The following CCDC14 variants were observed in gnomAD, a reference collection of about 807,000 sequenced individuals.
CCDC14 encodes the protein coiled-coil domain containing 14, also known as coiled-coil domain-containing protein 14.
A neutral mutation model predicts 81.4 loss-of-function variants in CCDC14; 71 were observed. That is an observed-to-expected ratio of 0.87 (90% CI 0.72 to 1.06). CCDC14 has a LOEUF of 1.06. Ranked by LOEUF, CCDC14 falls within the 50% of genes least tolerant of loss-of-function variation. The pLI, the probability that CCDC14 is intolerant of heterozygous loss-of-function variation, is 0.00. For missense variants in CCDC14, 1,046 were observed against 1,047.3 expected (o/e 1.00, Z 0.02); for synonymous variants, 332 against 364.8 (o/e 0.91, Z 1.03).
At position 123,949,019 on chromosome 3, in the gene CCDC14, G is replaced by C; in HGVS notation, c.466C>G (p.Pro156Ala). The C allele has an allele frequency of 6.2e-7, 1 of 1,613,686 alleles. No individual in the cohort carries two copies. The highest frequency in any genetic ancestry group is 8.5e-7 in the Non-Finnish European group (1 of 1,179,666). Reference sequence around the variant, plus strand: ...TCACAGAGGGCTTGGTATATTATGGGTGAATACATTCTATAATGATCTTGC... The same window carrying C: ...TCACAGAGGGCTTGGTATATTATGGCTGAATACATTCTATAATGATCTTGC... Reference protein sequence around the residue: ...SLQDHYRMYSPIIYQALCEHV... With the variant: ...SLQDHYRMYSAIIYQALCEHV... Residue 156 changes from proline (P) to alanine (A), a missense_variant, in exon 6 of 13, where the codon CCC (proline) becomes GCC (alanine). By Grantham distance (27) the Pro-to-Ala change is conservative. Coordinates refer to ENST00000409697, the MANE Select transcript of CCDC14 (RefSeq NM_001366335.1).
At chr3:123,891,631 C>T in the CCDC14 span, among the ~76,000 whole-genome samples, 108,862 of 152,068 alleles carry the variant, frequency 0.72, 39,306 homozygotes, top group East Asian at 0.86. Flanking sequence ...CACCTCAGCC[C>T]GGATTTCATT....
chr3:123,897,994 A>G (rs1032873051), intron 5 of CCDC14, among the ~76,000 whole-genome samples: 5 of 152,254 alleles, frequency 3.3e-5, no homozygotes, highest in Non-Finnish European at 7.3e-5. Flanking sequence ...CATAATGAGA[A>G]TCTATAGCCA....
chr3:123,939,467 G>A (rs1464295378), intron 9 of CCDC14, among the ~76,000 whole-genome samples: 6 of 139,078 alleles, frequency 4.3e-5, no homozygotes, highest in African/African-American at 1.6e-4. Context: ...TTTTTTTAGA[G>A]ATAGGGTCTT....
chr3:123,942,295 C>T (rs568134925), intron 9 of CCDC14, among the ~76,000 whole-genome samples: 14 of 152,122 alleles, frequency 9.2e-5, no homozygotes, highest in Admixed American at 2.6e-4. Flanking sequence ...TGACACATAT[C>T]GAGGACAATA....
intron 5 of CCDC14, among the ~76,000 whole-genome samples, chr3:123,905,682 G>A (rs1220340572): frequency 6.6e-6 from 1 of 152,092 alleles, no homozygotes; most frequent in East Asian, 1.9e-4. Context: ...TCATCAGAAG[G>A]GTCTCAGTTG....
chr3:123,932,479 G>A (rs1194266138), intron 10 of CCDC14, among the ~76,000 whole-genome samples: 1 of 152,020 alleles, frequency 6.6e-6, no homozygotes, highest in Non-Finnish European at 1.5e-5. Context: ...ATATTAAGAA[G>A]ATTAAGCCTT....
intron 5 of CCDC14, among the ~76,000 whole-genome samples, chr3:123,900,961 C>T (rs952162837): frequency 5.3e-5 from 8 of 152,046 alleles, no homozygotes; most frequent in Admixed American, 3.3e-4. Flanking sequence ...AGGCCAGGCG[C>T]AGTGGCTCAC....
At chr3:123,905,887 A>G (rs981456697) in intron 5 of CCDC14, among the ~76,000 whole-genome samples, 2 of 152,264 alleles carry the variant, frequency 1.3e-5, no homozygotes, top group African/African-American at 4.8e-5. Flanking sequence ...AACACATTTA[A>G]CAAGATAAGG....
At chr3:123,907,711 A>C (rs563878222) in intron 5 of CCDC14, among the ~76,000 whole-genome samples, 1 of 151,108 alleles carries the variant, frequency 6.6e-6, no homozygotes, top group South Asian at 2.1e-4. Context: ...TCAATAAAAA[A>C]AATATAATAA....
rs1217702038 is a variant in CCDC14, at chr3:123,902,962, T to A, written c.668-5349A>T. Reference sequence around the variant, plus strand: ...TAGGTATTTGTCCTAATACTCTCCCTCCCCTTGTCCTCCACCCACCGACAG... The same window carrying A: ...TAGGTATTTGTCCTAATACTCTCCCACCCCTTGTCCTCCACCCACCGACAG... On this transcript the variant is annotated intron_variant, in intron 5 of 5. Coordinates refer to the CCDC14 transcript ENST00000479903. Among the ~76,000 whole-genome samples the A allele has an allele frequency of 2.5e-4, 38 of 152,092 alleles. 1 individual carries two copies. The highest frequency in any genetic ancestry group is 2.5e-3 in the Admixed American group (38 of 15,262).
At chr3:123,924,992 C>T (rs2035279322) in intron 12 of CCDC14, among the ~76,000 whole-genome samples, 1 of 151,672 alleles carries the variant, frequency 6.6e-6, no homozygotes, top group Non-Finnish European at 1.5e-5. Flanking sequence ...TATCTATACA[C>T]ACACACCCAG....
the CCDC14 span, among the ~76,000 whole-genome samples, chr3:123,885,456 G>A: frequency 7.0e-6 from 1 of 143,280 alleles, no homozygotes; most frequent in Admixed American, 7.3e-5. Context: ...TTCCAAGGGT[G>A]CACCTTACCC....
At position 123,931,332 on chromosome 3, in the gene CCDC14, T is replaced by G. The variant is rs140636259; in HGVS notation, c.1621A>C (p.Ile541Leu). 455 of 1,521,894 alleles carry G rather than the reference T, an allele frequency of 3.0e-4. 3 individuals carry two copies. The East Asian group carries it at 9.4e-3, about 31-fold the overall frequency. 94.3% of individuals were successfully genotyped at this position (1,521,894 alleles called of 1,614,324 possible). The change falls in exon 11 of 13, where the codon ATT becomes CTT. Residue 541 changes from isoleucine (I) to leucine (L), a missense_variant. Ile to Leu is a conservative substitution (Grantham distance 5, BLOSUM62 2). Coordinates refer to ENST00000409697, the MANE Select transcript of CCDC14 (RefSeq NM_001366335.1). ...TILENKQQYD[I>L]EITRIKIELE... ...CCAATTTTTATTCTTGTTATCTCAA[T>G]ATCATATTGCTGTTTATTTTCAAGT...
At chr3:123,939,880 T>C (rs2036259776) in intron 9 of CCDC14, among the ~76,000 whole-genome samples, 3 of 151,832 alleles carry the variant, frequency 2.0e-5, no homozygotes. Flanking sequence ...AAAGTTACTG[T>C]TTAATGGGTA....
chr3:123,947,351 T>C (rs2036703250), intron 7 of CCDC14, 32 bp from the exon 8 acceptor site: 2 of 1,527,280 alleles, frequency 1.3e-6, no homozygotes, highest in Admixed American at 1.9e-5. Flanking sequence ...TCTTCAGAAG[T>C]ATGAGCACTC....
In CCDC14 at chr3:123,947,430, T is replaced by C. The variant is rs146083864; in HGVS notation, c.685-111A>G. The C allele has an allele frequency of 7.5e-4, 551 of 734,516 alleles. 4 individuals carry two copies. In the African/African-American group the frequency reaches 8.2e-3, roughly 11 times the overall value. The allele number at this position is 734,516 out of a possible 1,614,324, so 45.5% of individuals were successfully genotyped here. A position where few individuals can be genotyped will look rare whatever the true frequency, so the allele number is the denominator to read the frequency against. ...ATTTATTAAAACATGTTTATTAATA[T>C]ATTCATTTTGTGAATATTTAATAAG... On this transcript the variant is annotated intron_variant, in intron 7 of 12. Transcript: ENST00000409697.
intron 1 of CCDC14, chr3:123,958,968 A>G (rs2037507597): frequency 6.6e-6 from 1 of 152,120 alleles, no homozygotes; most frequent in South Asian, 2.1e-4. Context: ...TGCATATGAC[A>G]GCTATTTCTT....
At chr3:123,913,402 G>A (rs907222463), downstream of CCDC14, 16 of 983,368 alleles carry the variant, frequency 1.6e-5, no homozygotes, top group African/African-American at 2.8e-4. Context: ...TAAATATTTG[G>A]GAGTAGACAG....
chr3:123,942,199 T>G (rs954194686), intron 9 of CCDC14, among the ~76,000 whole-genome samples: 1 of 152,056 alleles, frequency 6.6e-6, no homozygotes, highest in East Asian at 1.9e-4. Context: ...GCAAGTTACA[T>G]AAACTCTTTG....
Sources: allele counts gnomAD v4.1 joint callset (sites outside exome capture counted in the v4.1 genomes callset), GRCh38; gene constraint gnomAD v4.1.1; transcripts MANE v1.5; gene names NCBI Gene and HGNC (gene_info 2026-07-23, HGNC 2026-07-21).